Variants in LYRM4 observed in about 807,000 individuals in gnomAD.
LYRM4 encodes LYR motif-containing protein 4.
Under a neutral mutation model 11.7 loss-of-function variants are expected in LYRM4, and 9 were observed. That is an observed-to-expected ratio of 0.77 (90% CI 0.46 to 1.34). The LOEUF (loss-of-function observed/expected upper bound fraction) is 1.34. Among genes scored for constraint, LYRM4 ranks in the 40% most tolerant of loss-of-function variants. The pLI, the probability that LYRM4 is intolerant of heterozygous loss-of-function variation, is 0.00. For missense variants in LYRM4, 133 were observed against 112.5 expected (o/e 1.18, Z -0.82); for synonymous variants, 42 against 40.4 (o/e 1.04, Z -0.15).
the LYRM4 span, among the ~76,000 whole-genome samples, chr6:5,075,986 G>A: frequency 4.0e-5 from 6 of 150,350 alleles, no homozygotes; most frequent in African/African-American, 7.4e-5. Flanking sequence ...AACCCGTCAC[G>A]CAGGCTGGAG....
intron 1 of LYRM4, among the ~76,000 whole-genome samples, chr6:5,227,439 A>T (rs11242997): frequency 6.6e-6 from 1 of 152,150 alleles, no homozygotes; most frequent in African/African-American, 2.4e-5. Context: ...CAGAGAGTAG[A>T]TAAGATTGTT....
At chr6:5,077,806 T>C in the LYRM4 span, among the ~76,000 whole-genome samples, 2 of 152,224 alleles carry the variant, frequency 1.3e-5, no homozygotes, top group Non-Finnish European at 2.9e-5. Flanking sequence ...TAAATGATTA[T>C]ACAACTAATG....
chr6:5,147,326 T>C lies in LYRM4; in HGVS notation c.208-37835A>G, dbSNP rs189124526. Among the ~76,000 whole-genome samples the C allele has an allele frequency of 1.3e-4, 20 of 152,366 alleles. No individual in the cohort carries two copies. The East Asian group carries it at 3.7e-3, about 28-fold the overall frequency. ...TCCAGGAAGTAAACGTGTGTAGTTATGGTCTAGCTAAAGTCACTGATGTCA... is the reference window on the plus strand; with the variant it reads ...TCCAGGAAGTAAACGTGTGTAGTTACGGTCTAGCTAAAGTCACTGATGTCA... On this transcript the variant is annotated intron_variant, in intron 2 of 2. Coordinates refer to ENST00000330636, the MANE Select transcript of LYRM4 (RefSeq NM_020408.6).
chr6:5,048,883 G>T, the LYRM4 span, among the ~76,000 whole-genome samples: 1 of 152,172 alleles, frequency 6.6e-6, no homozygotes, highest in African/African-American at 2.4e-5. Context: ...TGAGCTTGTG[G>T]GACTTGGAAA....
chr6:5,118,094 A>ATATATATATATATATAT, intron 2 of LYRM4, among the ~76,000 whole-genome samples: 8 of 86,114 alleles, frequency 9.3e-5, no homozygotes, highest in South Asian at 4.3e-4. Flanking sequence ...ATATATATAT[A>ATATATATATATATATAT]TTTTTGTTTT....
the LYRM4 span, among the ~76,000 whole-genome samples, chr6:5,097,087 A>G: frequency 6.6e-6 from 1 of 152,244 alleles, no homozygotes; most frequent in Non-Finnish European, 1.5e-5. Flanking sequence ...CATGTCTTAT[A>G]GTTATGGAGA....
intron 2 of LYRM4, chr6:5,144,193 T>C (rs758109685): frequency 1.3e-6 from 2 of 1,536,838 alleles, no homozygotes; most frequent in South Asian, 1.2e-5. Flanking sequence ...GGCCAACTTG[T>C]GCAGGGCTTC....
the LYRM4 span, among the ~76,000 whole-genome samples, chr6:5,061,237 A>G: frequency 7.9e-5 from 12 of 152,024 alleles, no homozygotes; most frequent in African/African-American, 2.9e-4. Context: ...TCAGCTTTAG[A>G]TTTTTGTCTC....
chr6:5,186,409 T>C (rs1003217651), intron 2 of LYRM4, among the ~76,000 whole-genome samples: 4 of 152,208 alleles, frequency 2.6e-5, no homozygotes, highest in African/African-American at 9.6e-5. Flanking sequence ...ATTGAGGGTG[T>C]TCTGGCCTTG....
At chr6:5,132,053 C>T (rs1378531362) in intron 2 of LYRM4, among the ~76,000 whole-genome samples, 1 of 152,100 alleles carries the variant, frequency 6.6e-6, no homozygotes, top group Non-Finnish European at 1.5e-5. Flanking sequence ...ATGATCGTAC[C>T]CAATTCCTTG....
At chr6:5,081,431 G>A in the LYRM4 span, among the ~76,000 whole-genome samples, 17 of 152,300 alleles carry the variant, frequency 1.1e-4, no homozygotes, top group Middle Eastern at 0.02. Context: ...GGTGCACACC[G>A]TTTCTGCTTC....
At chr6:5,255,810 C>T (rs1188287545) in intron 1 of LYRM4, among the ~76,000 whole-genome samples, 5 of 152,070 alleles carry the variant, frequency 3.3e-5, no homozygotes, top group African/African-American at 4.8e-5. Context: ...ATGCCTAGCA[C>T]CCCCTTTCCA....
intron 2 of LYRM4, among the ~76,000 whole-genome samples, chr6:5,116,920 C>T (rs1031667661): frequency 1.3e-5 from 2 of 152,220 alleles, no homozygotes; most frequent in Non-Finnish European, 2.9e-5. Flanking sequence ...CAATGCACAG[C>T]CATCCCCGCA....
chr6:5,228,796 C>G (rs1220901688), intron 1 of LYRM4, among the ~76,000 whole-genome samples: 1 of 150,812 alleles, frequency 6.6e-6, no homozygotes, highest in South Asian at 2.1e-4. Context: ...GTCAGGAGAT[C>G]GAGACCATCC....
chr6:5,250,736 T>C (rs1302012337), intron 1 of LYRM4, among the ~76,000 whole-genome samples: 4 of 152,162 alleles, frequency 2.6e-5, no homozygotes, highest in Admixed American at 2.0e-4. Flanking sequence ...TAAGAACTGA[T>C]ATGGAAACAA....
intron 2 of LYRM4, among the ~76,000 whole-genome samples, chr6:5,158,889 A>T (rs1758577231): frequency 6.6e-6 from 1 of 152,194 alleles, no homozygotes; most frequent in Non-Finnish European, 1.5e-5. Flanking sequence ...CAGGGGCAAC[A>T]TGCCTAGCAG....
intron 2 of LYRM4, among the ~76,000 whole-genome samples, chr6:5,142,356 A>G (rs200861): frequency 0.73 from 105,740 of 144,016 alleles, 36,947 homozygotes; most frequent in East Asian, 0.87. Context: ...CTGGCTCACA[A>G]CTAGCATCAA....
intron 2 of LYRM4, among the ~76,000 whole-genome samples, chr6:5,148,741 A>C (rs149250529): frequency 2.0e-5 from 3 of 152,326 alleles, no homozygotes; most frequent in East Asian, 1.9e-4. Context: ...TAATTCTTGA[A>C]GATGAGAGCC....
the LYRM4 span, among the ~76,000 whole-genome samples, chr6:5,082,297 T>C: frequency 6.6e-6 from 1 of 152,204 alleles, no homozygotes; most frequent in Non-Finnish European, 1.5e-5. Context: ...ATTGAATTAT[T>C]GGACACCCTG....
Sources: allele counts gnomAD v4.1 joint callset (sites outside exome capture counted in the v4.1 genomes callset), GRCh38; gene constraint gnomAD v4.1.1; transcripts MANE v1.5; gene names NCBI Gene and HGNC (gene_info 2026-07-23, HGNC 2026-07-21).